The following EML6 variants were observed in gnomAD, a reference collection of about 807,000 sequenced individuals.
EML6 encodes echinoderm microtubule-associated protein-like 6.
In EML6, 154 loss-of-function variants were observed where a neutral mutation model predicts 240.1. The observed-to-expected ratio is 0.64, with a 90% CI of 0.56 to 0.73. The LOEUF is 0.73. Ranked by LOEUF, EML6 falls within the 30% of genes least tolerant of loss-of-function variation. The pLI, the probability that EML6 is intolerant of heterozygous loss-of-function variation, is 0.00. For synonymous variants in EML6, 1,148 were observed against 899.0 expected (o/e 1.28, Z -4.95); for missense variants, 2,964 against 2,474.6 (o/e 1.20, Z -4.20).
chr2:54,737,317 AAG>A (rs1004598024), intron 2 of EML6, among the ~76,000 whole-genome samples: 4 of 152,196 alleles, frequency 2.6e-5, no homozygotes, highest in African/African-American at 9.6e-5. Context: ...TTGTTTTTTT[AAG>A]ATGGAGTCTC....
intron 2 of EML6, among the ~76,000 whole-genome samples, chr2:54,778,003 G>A (rs985687680): frequency 6.6e-6 from 1 of 152,116 alleles, no homozygotes; most frequent in African/African-American, 2.4e-5. Flanking sequence ...AAAATGTTCA[G>A]CTCTATAAAA....
chr2:54,880,656 C>T (rs892610791), intron 17 of EML6: 1 of 152,190 alleles, frequency 6.6e-6, no homozygotes, highest in Non-Finnish European at 1.5e-5. Context: ...AATCTGCCTG[C>T]CCAAGTGGTT....
intron 2 of EML6, among the ~76,000 whole-genome samples, chr2:54,766,915 CAAAT>C (rs1027916410): frequency 1.3e-5 from 2 of 152,058 alleles, no homozygotes; most frequent in African/African-American, 4.8e-5. Flanking sequence ...TTATTTCTCA[CAAAT>C]AAGTAACTTC....
chr2:54,943,772 C>T lies in EML6; in HGVS notation c.4005-5110C>T, dbSNP rs538789380. 8.6e-5 allele frequency among the ~76,000 whole-genome samples: 13 copies of T among 152,000 alleles called. No individual in the cohort carries two copies. The South Asian group carries it at 2.1e-3, about 24-fold the overall frequency. On this transcript the variant is annotated intron_variant, in intron 28 of 41. Coordinates refer to ENST00000356458, the MANE Select transcript of EML6 (RefSeq NM_001039753.4). ...TTGATTTTAACAATATATTTTAACT[C>T]GATATATTAAAAAATATTTCAACAT...
intron 39 of EML6, among the ~76,000 whole-genome samples, chr2:54,967,591 TG>T (rs1279237175): frequency 6.6e-6 from 1 of 151,940 alleles, no homozygotes; most frequent in East Asian, 1.9e-4. Flanking sequence ...GAATCAAAGA[TG>T]GGGGTAACTT....
intron 8 of EML6, among the ~76,000 whole-genome samples, chr2:54,846,428 G>A (rs776127619): frequency 2.7e-5 from 4 of 150,894 alleles, no homozygotes; most frequent in African/African-American, 4.9e-5. Flanking sequence ...TATATTGAGA[G>A]ATATATATTT....
At chr2:54,783,284 G>A (rs779444320) in intron 2 of EML6, among the ~76,000 whole-genome samples, 20 of 151,886 alleles carry the variant, frequency 1.3e-4, no homozygotes, top group Non-Finnish European at 2.9e-4. Flanking sequence ...TTATTGTTCT[G>A]GATATAACTA....
intron 26 of EML6, among the ~76,000 whole-genome samples, chr2:54,925,345 A>G (rs557197763): frequency 1.5e-4 from 23 of 152,272 alleles, no homozygotes; most frequent in Non-Finnish European, 1.2e-4. Context: ...TTAGCTACCC[A>G]GCCTAGGGCA....
chr2:54,862,306 C>T (rs187933591), intron 12 of EML6, among the ~76,000 whole-genome samples: 58 of 140,396 alleles, frequency 4.1e-4, no homozygotes, highest in Middle Eastern at 4.0e-3. Flanking sequence ...CCACCGCACT[C>T]CAGCCTGGGT....
rs1558739026 is a variant in EML6 at position 54,970,800 on chromosome 2, AGT to A, written c.*710_*711del. 6.6e-6 allele frequency: 1 copy of A among 152,460 alleles called. No individual in the cohort carries two copies. The highest frequency in any genetic ancestry group is 2.4e-5 in the African/African-American group (1 of 41,578). The allele number at this position is 152,460 out of a possible 1,614,324, so 9.4% of individuals were successfully genotyped here. ...GGGCTGCAGGACCCTTAGCAGATTC[AGT>A]GTGTCACCCTTGTCCTGTGTTCACG... is the stretch of plus-strand genomic sequence containing the variant. On this transcript the variant is annotated 3_prime_UTR_variant, in exon 42 of 42. Coordinates refer to ENST00000356458, the MANE Select transcript of EML6 (RefSeq NM_001039753.4).
rs547024849 is a variant in EML6, at chr2:54,761,844, G to A, written c.197+36586G>A. ...TGTTATTCTTTCTCTTTATAGATAC[G>A]CATTAGTATTGCTTTTTTTTTTGGA... is the stretch of plus-strand genomic sequence containing the variant. On this transcript the variant is annotated intron_variant, in intron 2 of 41. Transcript: ENST00000356458. Among the ~76,000 whole-genome samples the A allele has an allele frequency of 1.3e-4, 20 of 151,154 alleles. No individual in the cohort carries two copies. In the South Asian group the frequency reaches 2.9e-3, roughly 22 times the overall value.
Position 54,750,938 on chromosome 2 carries a change from G to C in EML6, c.197+25680G>C, listed in dbSNP as rs147712678. Among the ~76,000 whole-genome samples the C allele has an allele frequency of 2.0e-3, 298 of 152,258 alleles. 3 individuals are homozygous for C. Among genetic ancestry groups the C allele is most frequent in the African/African-American group, 6.8e-3 (283 of 41,550 alleles). On this transcript the variant is annotated intron_variant, in intron 2 of 41. Transcript: ENST00000356458. The stretch of plus-strand genomic sequence containing the variant: ...GGGGAAGGGCCAATTTTTTTAAAAA[G>C]GGGAGAAGAGTTATTACCAGAAGAA...
chr2:54,945,591 C>T (rs1675658160), intron 28 of EML6, among the ~76,000 whole-genome samples: 1 of 152,142 alleles, frequency 6.6e-6, no homozygotes, highest in Non-Finnish European at 1.5e-5. Flanking sequence ...TTGTACTCAT[C>T]TTGGGTTGCA....
chr2:54,968,823 C>T (rs1171683547), intron 41 of EML6, 55 bp downstream of exon 41: 25 of 966,902 alleles, frequency 2.6e-5, no homozygotes, highest in Admixed American at 2.0e-5. Context: ...GCTCTCCCTC[C>T]CCATCTCAGG....
At chr2:54,841,346 C>T (rs1034142628) in intron 7 of EML6, among the ~76,000 whole-genome samples, 1 of 152,192 alleles carries the variant, frequency 6.6e-6, no homozygotes, top group African/African-American at 2.4e-5. Flanking sequence ...CTTTTTCCCA[C>T]CATTTCAAGA....
chr2:54,821,040 C>T (rs926359025), intron 5 of EML6, among the ~76,000 whole-genome samples: 18 of 152,112 alleles, frequency 1.2e-4, no homozygotes, highest in African/African-American at 4.3e-4. Context: ...ACATGCTTTG[C>T]TCTGACATAG....
intron 22 of EML6, among the ~76,000 whole-genome samples, chr2:54,901,052 G>C (rs775603750): frequency 6.6e-5 from 10 of 152,216 alleles, no homozygotes; most frequent in Admixed American, 1.3e-4. Context: ...CAAAACAGTA[G>C]TAACAATAGT....
intron 41 of EML6, among the ~76,000 whole-genome samples, chr2:54,969,041 G>A (rs936886232): frequency 6.6e-6 from 1 of 152,182 alleles, no homozygotes; most frequent in Non-Finnish European, 1.5e-5. Flanking sequence ...TGGGGGAAAG[G>A]GACAGGTGGA....
intron 17 of EML6, chr2:54,880,134 G>C (rs1671737274): frequency 6.5e-6 from 1 of 153,742 alleles, no homozygotes; most frequent in African/African-American, 2.4e-5. Flanking sequence ...CTTATAAATA[G>C]ATTTTTTGAG....
Sources: allele counts gnomAD v4.1 joint callset (sites outside exome capture counted in the v4.1 genomes callset), GRCh38; gene constraint gnomAD v4.1.1; transcripts MANE v1.5; gene names NCBI Gene and HGNC (gene_info 2026-07-23, HGNC 2026-07-21).